The following SERTM1 variants were observed in gnomAD, a reference collection of about 807,000 sequenced individuals.
SERTM1 encodes serine rich and transmembrane domain containing 1.
A neutral mutation model predicts 5.5 loss-of-function variants in SERTM1; 1 was observed. That is an observed-to-expected ratio of 0.18 (90% confidence interval 0.06 to 0.86). The LOEUF (loss-of-function observed/expected upper bound fraction) is 0.86. Among genes scored for constraint, SERTM1 ranks in the 40% least tolerant of loss-of-function variants. SERTM1 has a pLI of 0.69. For missense variants in SERTM1, 91 were observed against 122.4 expected (o/e 0.74, Z 1.21); for synonymous variants, 52 against 55.1 (o/e 0.94, Z 0.25).
intron 1 of SERTM1, among the ~76,000 whole-genome samples, chr13:36,687,859 T>C (rs1032664963): frequency 1.1e-4 from 16 of 152,058 alleles, no homozygotes; most frequent in African/African-American, 3.9e-4. Context: ...CTGTGAGAGA[T>C]GGAGTTTCAA....
At chr13:36,675,526 A>G (rs894470560) in intron 1 of SERTM1, among the ~76,000 whole-genome samples, 4 of 148,524 alleles carry the variant, frequency 2.7e-5, no homozygotes, top group African/African-American at 7.9e-5. Flanking sequence ...GAAAAAAACA[A>G]TATTTAATTT....
intron 1 of SERTM1, among the ~76,000 whole-genome samples, chr13:36,674,967 G>T (rs2056660800): frequency 2.0e-5 from 3 of 152,122 alleles, no homozygotes; most frequent in African/African-American, 7.2e-5. Context: ...TGGGCAAATT[G>T]CTTCAGTTCT....
chr13:36,681,252 C>CCTTT (rs1241582073), intron 1 of SERTM1, among the ~76,000 whole-genome samples: 1 of 152,084 alleles, frequency 6.6e-6, no homozygotes, highest in Non-Finnish European at 1.5e-5. Flanking sequence ...TTAACTATTT[C>CCTTT]CTTTCTTTCT....
At chr13:36,687,082 T>C (rs1403617206) in intron 1 of SERTM1, among the ~76,000 whole-genome samples, 4 of 152,242 alleles carry the variant, frequency 2.6e-5, no homozygotes, top group Non-Finnish European at 4.4e-5. Flanking sequence ...GTATATGTTA[T>C]GCCAAACACT....
intron 1 of SERTM1, among the ~76,000 whole-genome samples, chr13:36,694,257 C>G (rs1270051996): frequency 6.6e-6 from 1 of 152,244 alleles, no homozygotes; most frequent in East Asian, 1.9e-4. Context: ...CTGATACTCT[C>G]TCTACCATTC....
intron 1 of SERTM1, among the ~76,000 whole-genome samples, 176 bp downstream of exon 1, chr13:36,674,360 A>ATTTTGAGGTGTT (rs2056656791): frequency 6.6e-6 from 1 of 151,742 alleles, no homozygotes; most frequent in Admixed American, 6.6e-5. Flanking sequence ...ACACCCCCAA[A>ATTTTGAGGTGTT]TCTATCCCTT....
Position 36,680,666 on chromosome 13 carries a change from T to A in SERTM1, c.-174+6482T>A, listed in dbSNP as rs564333527. On this transcript the variant is annotated intron_variant, in intron 1 of 1. Coordinates refer to ENST00000315190, the MANE Select transcript of SERTM1 (RefSeq NM_203451.3). The stretch of plus-strand genomic sequence containing the variant: ...AAAGACTTGTAGCTCTCTGATTCTA[T>A]GAAAATTTTTTTCTTTTGTTGTTAT... 2.6e-5 allele frequency among the ~76,000 whole-genome samples: 4 copies of A among 152,340 alleles called. No individual in the cohort carries two copies. The East Asian group carries it at 7.7e-4, about 29-fold the overall frequency.
intron 1 of SERTM1, among the ~76,000 whole-genome samples, chr13:36,685,466 T>C (rs1417610698): frequency 6.6e-6 from 1 of 152,248 alleles, no homozygotes; most frequent in African/African-American, 2.4e-5. Context: ...ATCAGATTCA[T>C]CTGGCACTGA....
intron 1 of SERTM1, among the ~76,000 whole-genome samples, chr13:36,689,548 T>TAATAATAATAG (rs1413266103): frequency 1.3e-5 from 2 of 148,340 alleles, no homozygotes; most frequent in African/African-American, 4.9e-5. Context: ...ATAATAATAG[T>TAATAATAATAG]TTTTTTCCCC....
rs201529991 is a variant in SERTM1, at chr13:36,695,204, C to T, written c.126C>T (p.Tyr42=). The T allele has an allele frequency of 1.4e-5, 23 of 1,614,210 alleles. No homozygotes were observed. The East Asian group carries it at 4.7e-4, about 33-fold the overall frequency. ...DPSSGHLSNV[Y]IYVSIFLSLL... is the part of the protein sequence containing the mutation. ...CCTCAGGCCACCTGTCAAACGTCTACATCTATGTGTCCATATTCCTCAGCC... is the reference window on the plus strand; with the variant it reads ...CCTCAGGCCACCTGTCAAACGTCTATATCTATGTGTCCATATTCCTCAGCC... The change falls in exon 2 of 2, where the codon TAC becomes TAT. Residue 42 remains tyrosine, a synonymous_variant. Transcript: ENST00000315190.
At chr13:36,687,565 T>TG (rs1320552347) in intron 1 of SERTM1, among the ~76,000 whole-genome samples, 1 of 152,204 alleles carries the variant, frequency 6.6e-6, no homozygotes, top group Non-Finnish European at 1.5e-5. Flanking sequence ...TGGTTGTTAT[T>TG]CCTTGTTGTA....
At chr13:36,679,376 T>C (rs1028056545) in intron 1 of SERTM1, among the ~76,000 whole-genome samples, 6 of 152,082 alleles carry the variant, frequency 3.9e-5, no homozygotes, top group African/African-American at 1.2e-4. Context: ...GCTTAGTCAA[T>C]TTTTTTGTTT....
intron 1 of SERTM1, among the ~76,000 whole-genome samples, chr13:36,682,077 T>G (rs1383729660): frequency 6.6e-6 from 1 of 152,250 alleles, no homozygotes; most frequent in African/African-American, 2.4e-5. Context: ...TTCTTTACTG[T>G]TGATGCTTAC....
At chr13:36,685,173 G>A (rs1410723131) in intron 1 of SERTM1, among the ~76,000 whole-genome samples, 1 of 152,206 alleles carries the variant, frequency 6.6e-6, no homozygotes, top group African/African-American at 2.4e-5. Flanking sequence ...TGAGGAACAT[G>A]TAGACATTTT....
chr13:36,689,835 T>C (rs1289567330), intron 1 of SERTM1, among the ~76,000 whole-genome samples: 1 of 152,062 alleles, frequency 6.6e-6, no homozygotes, highest in Admixed American at 6.5e-5. Flanking sequence ...ATAATTTATA[T>C]TTATTTTTAT....
At chr13:36,685,374 C>T (rs1430568557) in intron 1 of SERTM1, among the ~76,000 whole-genome samples, 1 of 152,126 alleles carries the variant, frequency 6.6e-6, no homozygotes, top group African/African-American at 2.4e-5. Context: ...CTTGGAAATC[C>T]AGGTAGATGA....
chr13:36,677,396 A>G (rs192773736), intron 1 of SERTM1, among the ~76,000 whole-genome samples: 49 of 152,312 alleles, frequency 3.2e-4, no homozygotes, highest in Admixed American at 5.9e-4. Context: ...CCTAACTTTT[A>G]AATTCCCAAC....
intron 1 of SERTM1, among the ~76,000 whole-genome samples, chr13:36,694,055 C>T (rs2056797083): frequency 6.6e-6 from 1 of 152,138 alleles, no homozygotes; most frequent in African/African-American, 2.4e-5. Flanking sequence ...TTTTTTTCTC[C>T]AATGCTTTAC....
intron 1 of SERTM1, among the ~76,000 whole-genome samples, chr13:36,686,913 CA>C (rs1447611917): frequency 6.6e-6 from 1 of 151,966 alleles, no homozygotes; most frequent in Non-Finnish European, 1.5e-5. Context: ...ATAATATGGC[CA>C]AAACTGGATG....
Sources: gnomAD v4.1 joint callset for allele counts (sites outside exome capture counted in the v4.1 genomes callset) on GRCh38, gnomAD v4.1.1 for gene constraint, MANE v1.5 for transcripts, NCBI Gene and HGNC (gene_info 2026-07-23, HGNC 2026-07-21) for gene names.